Variants in EHMT2 observed in about 807,000 individuals in gnomAD.
EHMT2 encodes euchromatic histone lysine methyltransferase 2, also known as histone-lysine N-methyltransferase EHMT2.
A neutral mutation model predicts 143.3 loss-of-function variants in EHMT2; 59 were observed. The ratio of observed to expected loss-of-function variants is 0.41; its 90% CI spans 0.33 to 0.51. The LOEUF is 0.51. EHMT2 is among the 20% of genes least tolerant of loss of function. The pLI is 0.18. For synonymous variants in EHMT2, 604 were observed against 651.5 expected, an observed-to-expected ratio of 0.93 and a Z score of 1.11; for missense variants, 1,174 against 1,645.9, an observed-to-expected ratio of 0.71 and a Z score of 4.96.
At chr6:31,893,149 G>A (rs1765921131) in intron 4 of EHMT2, 3 of 541,040 alleles carry the variant, frequency 5.5e-6, no homozygotes, top group Admixed American at 3.5e-5. Flanking sequence ...TTTTACAGAT[G>A]AGAAAACAAA....
chr6:31,897,504 G>C lies in EHMT2; in HGVS notation c.42+132C>G, dbSNP rs1266405666. 1.6e-5 allele frequency: 10 copies of C among 614,374 alleles called. No homozygotes were observed. The South Asian group carries it at 5.3e-4, about 32-fold the overall frequency. 38.1% of individuals were successfully genotyped at this position (614,374 alleles called of 1,614,324 possible). On this transcript the variant is annotated intron_variant, in intron 1 of 27. Transcript: ENST00000375537. The stretch of plus-strand genomic sequence containing the variant: ...GGTCCCCTCATCCGCCCCCGGTGCT[G>C]GCCCCCTGGATTGCTGCAAGTCCCG...
chr6:31,891,208 G>A (rs566716727), intron 7 of EHMT2, among the ~76,000 whole-genome samples: 1 of 152,186 alleles, frequency 6.6e-6, no homozygotes, highest in South Asian at 2.1e-4. Flanking sequence ...GCCTCCCAAA[G>A]TATTGGGATT....
chr6:31,889,028 T>A lies in EHMT2; in HGVS notation c.1157A>T (p.Glu386Val). Reference sequence around the variant, plus strand: ...CAGCTCCAGGGACCCCAGAGGGACCTCCATGTACTCACTGGGGCCTGAGGA... The same window carrying A: ...CAGCTCCAGGGACCCCAGAGGGACCACCATGTACTCACTGGGGCCTGAGGA... Residue 386 changes from glutamate (E) to valine (V), a missense_variant, in exon 10 of 28, where the codon GAG (glutamate) becomes GTG (valine). Around this residue, in one of 6 missense-constraint regions of EHMT2, gnomAD observed 608 missense variants for 903.7 expected, o/e 0.67. Transcript: ENST00000375537. This position sits in a 1 kb window ranked among gnomAD's most constrained non-coding sequence, Gnocchi z 5.1. The A allele has an allele frequency of 6.2e-7, 1 of 1,604,276 alleles. No individual in the cohort carries two copies. The highest frequency in any genetic ancestry group is 8.5e-7 in the Non-Finnish European group (1 of 1,176,928).
At chr6:31,892,698 C>T (rs760814858) in exon 6 of EHMT2, 3 of 1,613,102 alleles carry the variant, frequency 1.9e-6, no homozygotes, top group East Asian at 2.2e-5. Context: ...GCTTACCAGG[C>T]CACCTCCTGA....
rs9394077 is a variant in EHMT2 at position 31,887,975 on chromosome 6, A to T, written c.1746-14T>A. ...CGCATCCGGGCACTGTGGAAGAAGGAGCTCATGTCCAGGAGCAATAGGGGT... is the reference window on the plus strand; with the variant it reads ...CGCATCCGGGCACTGTGGAAGAAGGTGCTCATGTCCAGGAGCAATAGGGGT... On this transcript the variant is annotated splice_polypyrimidine_tract_variant and intron_variant, in intron 13 of 27. Coordinates refer to ENST00000375537, the Ensembl canonical transcript of EHMT2. 2 of 1,581,220 alleles carry T rather than the reference A, an allele frequency of 1.3e-6. No homozygotes were observed. The highest frequency in any genetic ancestry group is 4.5e-5 in the East Asian group (2 of 44,416).
Position 31,880,425 on chromosome 6 carries a change from A to G in EHMT2, c.3453-161T>C. On this transcript the variant is annotated intron_variant, in intron 27 of 27. Transcript: ENST00000375537. The surrounding 1 kb of genome is among the most constrained non-coding windows in gnomAD (Gnocchi z 6.6). Reference sequence around the variant, plus strand: ...GTATGTTCTATGGACTTTCAGCATCAGCATTGCCTGGGGACTTTTTAGAAA... The same window carrying G: ...GTATGTTCTATGGACTTTCAGCATCGGCATTGCCTGGGGACTTTTTAGAAA... 1.1e-6 allele frequency: 1 copy of G among 906,546 alleles called. No individual in the cohort carries two copies. Among genetic ancestry groups the G allele is most frequent in the East Asian group, 2.7e-5 (1 of 37,638 alleles). The allele number at this position is 906,546 out of a possible 1,614,324, so 56.2% of individuals were successfully genotyped here.
intron 7 of EHMT2, 56 bp downstream of exon 7, chr6:31,892,351 G>A: frequency 1.3e-6 from 2 of 1,586,276 alleles, no homozygotes; most frequent in East Asian, 2.2e-5. Context: ...GGACTGGACA[G>A]TGAGCCCCAG....
Position 31,889,246 on chromosome 6 carries a change from G to A in EHMT2, c.1096C>T (p.Arg366Trp), listed in dbSNP as rs749577345. Reference sequence around the variant, plus strand: ...TCCTCACCTCGTGGCTCCTTGGCCCGCGGAGGCTCCCGCTTGCGCCGTTTC... The same window carrying A: ...TCCTCACCTCGTGGCTCCTTGGCCCACGGAGGCTCCCGCTTGCGCCGTTTC... The change falls in exon 9 of 28, where the codon CGG becomes TGG. Residue 366 changes from arginine (R) to tryptophan (W), a missense_variant. Physicochemically the swap from Arg to Trp is moderately radical, Grantham distance 101. Coordinates refer to ENST00000375537, the Ensembl canonical transcript of EHMT2. The surrounding 1 kb of genome is among the most constrained non-coding windows in gnomAD (Gnocchi z 5.1). 8 of 1,609,616 alleles carry A rather than the reference G, an allele frequency of 5.0e-6. No homozygotes were observed. The highest frequency in any genetic ancestry group is 4.2e-6 in the Non-Finnish European group (5 of 1,178,936).
intron 7 of EHMT2, among the ~76,000 whole-genome samples, chr6:31,891,438 T>C (rs1382813740): frequency 1.3e-5 from 2 of 152,200 alleles, no homozygotes; most frequent in Non-Finnish European, 2.9e-5. Context: ...TATTTACAAA[T>C]CTATATGGAT....
At chr6:31,896,339 G>A (rs1050804792) in exon 4 of EHMT2, 5 of 1,613,042 alleles carry the variant, frequency 3.1e-6, no homozygotes, top group Non-Finnish European at 3.4e-6. Context: ...CGTGGTGGCT[G>A]GAGGGGGTTC....
intron 7 of EHMT2, among the ~76,000 whole-genome samples, chr6:31,892,049 C>G (rs1468860154): frequency 6.6e-6 from 1 of 152,098 alleles, no homozygotes; most frequent in Non-Finnish European, 1.5e-5. Flanking sequence ...AGAGACCAGC[C>G]TGGCCAACAC....
rs541612549 is a variant in EHMT2 at position 31,894,795 on chromosome 6, C to T, written c.582+1468G>A. On this transcript the variant is annotated intron_variant, in intron 4 of 27. Transcript: ENST00000375537. Reference sequence around the variant, plus strand: ...TAGCTGGGATTACAGGCGCACGCCACCACACCTGGCTAATTTATTATTATT... The same window carrying T: ...TAGCTGGGATTACAGGCGCACGCCATCACACCTGGCTAATTTATTATTATT... Among the ~76,000 whole-genome samples, 323 of 147,016 alleles carry T rather than the reference C, an allele frequency of 2.2e-3. 1 individual carries two copies. The highest frequency in any genetic ancestry group is 7.9e-3 in the African/African-American group (312 of 39,608).
At chr6:31,894,111 A>G (rs1766048433) in intron 4 of EHMT2, among the ~76,000 whole-genome samples, 1 of 151,316 alleles carries the variant, frequency 6.6e-6, no homozygotes, top group African/African-American at 2.4e-5. Flanking sequence ...AGTAGCTGGA[A>G]CTACAGGCAC....
Position 31,892,811 on chromosome 6 carries a change from G to C in EHMT2, c.667+15C>G. On this transcript the variant is annotated intron_variant, in intron 5 of 27. Coordinates refer to ENST00000375537, the Ensembl canonical transcript of EHMT2. ...AGACCACATCAAGCCACCGGGGGTG[G>C]GGGATGGGACTGACCTGAGGTCACC... 1 of 1,612,032 alleles carries C rather than the reference G, an allele frequency of 6.2e-7. No individual in the cohort carries two copies. Among genetic ancestry groups the C allele is most frequent in the Admixed American group, 1.7e-5 (1 of 59,962 alleles).
chr6:31,892,168 G>A (rs1364835747), intron 7 of EHMT2, among the ~76,000 whole-genome samples: 1 of 152,172 alleles, frequency 6.6e-6, no homozygotes, highest in East Asian at 1.9e-4. Flanking sequence ...CTTTAACCCT[G>A]GAGACAGAGG....
Position 31,883,990 on chromosome 6 carries a change from G to T in EHMT2, c.2772-40C>A, listed in dbSNP as rs368171450. 170 of 1,606,236 alleles carry T rather than the reference G, an allele frequency of 1.1e-4. 1 individual carries two copies. The African/African-American group carries it at 2.0e-3, about 19-fold the overall frequency. On this transcript the variant is annotated intron_variant, in intron 21 of 27. Coordinates refer to ENST00000375537, the Ensembl canonical transcript of EHMT2. The surrounding 1 kb of genome is among the most constrained non-coding windows in gnomAD (Gnocchi z 5.6). Reference sequence around the variant, plus strand: ...AAGAAGGGGCTGGGAAGCTGGAAAAGGGGGTGAGGAGCTACTCCAGGTATA... The same window carrying T: ...AAGAAGGGGCTGGGAAGCTGGAAAATGGGGTGAGGAGCTACTCCAGGTATA...
At position 31,889,697 on chromosome 6, in the gene EHMT2, C is replaced by T; in HGVS notation, c.865-95G>A. ...CCACCACCATTGCCCCCCGCCACTA[C>T]CCACGGATGGCTGCTGGGGATAAGT... On this transcript the variant is annotated intron_variant, in intron 7 of 27. Coordinates refer to ENST00000375537, the Ensembl canonical transcript of EHMT2. The surrounding 1 kb of genome is among the most constrained non-coding windows in gnomAD (Gnocchi z 5.1). 1 of 1,495,238 alleles carries T rather than the reference C, an allele frequency of 6.7e-7. No individual in the cohort carries two copies. Among genetic ancestry groups the T allele is most frequent in the Non-Finnish European group, 9.2e-7 (1 of 1,091,240 alleles). 92.6% of individuals were successfully genotyped at this position (1,495,238 alleles called of 1,614,324 possible).
rs1765462280 is a variant in EHMT2, at chr6:31,889,872, T to C, written c.865-270A>G. 6.6e-6 allele frequency among the ~76,000 whole-genome samples: 1 copy of C among 152,174 alleles called. No individual in the cohort carries two copies. The highest frequency in any genetic ancestry group is 2.4e-5 in the African/African-American group (1 of 41,434). On this transcript the variant is annotated intron_variant, in intron 7 of 27. Transcript: ENST00000375537. The surrounding 1 kb of genome is among the most constrained non-coding windows in gnomAD (Gnocchi z 5.1). Reference sequence around the variant, plus strand: ...AAAAGCAAGTACCAGAAGATAAACATACTTTGATACCCCTTTTATGATGTT... The same window carrying C: ...AAAAGCAAGTACCAGAAGATAAACACACTTTGATACCCCTTTTATGATGTT...
intron 7 of EHMT2, 119 bp downstream of exon 7, chr6:31,892,288 G>T: frequency 8.5e-7 from 1 of 1,174,902 alleles, no homozygotes. Context: ...CAATGACTTA[G>T]TGGATATTCA....
Sources: gnomAD v4.1 joint callset for allele counts (sites outside exome capture counted in the v4.1 genomes callset) on GRCh38, gnomAD v4.1.1 for gene constraint, gnomAD v4.1.1 regional missense constraint, Gnocchi (gnomAD v3.1) non-coding constraint, MANE v1.5 for transcripts, NCBI Gene and HGNC (gene_info 2026-07-23, HGNC 2026-07-21) for gene names.